TRIO: variants seen among roughly 807,000 people sequenced by gnomAD.
TRIO encodes trio Rho guanine nucleotide exchange factor.
In TRIO, 58 loss-of-function variants were observed where a neutral mutation model predicts 351.9. The observed-to-expected ratio is 0.16, with a 90% CI of 0.13 to 0.21. The LOEUF (loss-of-function observed/expected upper bound fraction) is 0.21, where lower values mean the gene tolerates loss of function less well. Among genes scored for constraint, TRIO ranks in the 10% least tolerant of loss-of-function variants. The pLI, the probability that TRIO is intolerant of heterozygous loss-of-function variation, is 1.00. For synonymous variants in TRIO, 1,758 were observed against 1,595.7 expected (o/e 1.10, Z -2.42); for missense variants, 3,201 against 4,027.8 (o/e 0.79, Z 5.56).
At chr5:14,201,339 T>C (rs1282571106) in intron 1 of TRIO, among the ~76,000 whole-genome samples, 1 of 152,250 alleles carries the variant, frequency 6.6e-6, no homozygotes, top group Non-Finnish European at 1.5e-5. Context: ...GCTTCTTGTT[T>C]TACCTTATAT....
At chr5:14,354,632 G>C (rs1022784043) in intron 11 of TRIO, among the ~76,000 whole-genome samples, 1 of 152,232 alleles carries the variant, frequency 6.6e-6, no homozygotes, top group Non-Finnish European at 1.5e-5. Flanking sequence ...GTTTTCTGAG[G>C]ACCTTTTTCA....
intron 11 of TRIO, among the ~76,000 whole-genome samples, chr5:14,348,829 ATG>A (rs1491061447): frequency 3.7e-5 from 4 of 106,976 alleles, no homozygotes; most frequent in African/African-American, 4.0e-5. Context: ...CTGCGTGTTT[ATG>A]TGTGTGTACG....
intron 11 of TRIO, among the ~76,000 whole-genome samples, chr5:14,348,765 ATG>A (rs148924139): frequency 0.024 from 2,512 of 105,154 alleles, 85 homozygotes; most frequent in African/African-American, 0.069. Context: ...GCACATGAGC[ATG>A]TGTGTTTTTC....
intron 48 of TRIO, among the ~76,000 whole-genome samples, chr5:14,491,665 T>C (rs1438611833): frequency 6.6e-6 from 1 of 152,234 alleles, no homozygotes; most frequent in African/African-American, 2.4e-5. Flanking sequence ...TCTGTCTTGC[T>C]GTTGCAATCC....
chr5:14,381,066 G>T, intron 20 of TRIO, 64 bp from the exon 21 acceptor site: 1 of 1,546,318 alleles, frequency 6.5e-7, no homozygotes, highest in Non-Finnish European at 8.7e-7. Flanking sequence ...TGAGGTGCTC[G>T]GGGCTTTGGG....
intron 7 of TRIO, among the ~76,000 whole-genome samples, chr5:14,303,286 G>A (rs356020): frequency 1.6e-5 from 2 of 123,830 alleles, no homozygotes; most frequent in African/African-American, 6.1e-5. Context: ...ATGGAGGGTG[G>A]CAGTGGAGGA....
At chr5:14,348,871 T>C (rs1456780464) in intron 11 of TRIO, among the ~76,000 whole-genome samples, 1 of 151,510 alleles carries the variant, frequency 6.6e-6, no homozygotes, top group African/African-American at 2.4e-5. Context: ...TGTATATGTG[T>C]ATGCACATGA....
intron 13 of TRIO, among the ~76,000 whole-genome samples, chr5:14,360,937 A>C (rs1236740808): frequency 6.6e-6 from 1 of 152,228 alleles, no homozygotes; most frequent in African/African-American, 2.4e-5. Context: ...TTAGATCCAC[A>C]TGGAGCCATG....
intron 1 of TRIO, among the ~76,000 whole-genome samples, chr5:14,182,062 T>C (rs1354294523): frequency 1.3e-5 from 2 of 151,970 alleles, no homozygotes; most frequent in East Asian, 3.9e-4. Flanking sequence ...TTTCATGTTA[T>C]TACTTTTGGT....
chr5:14,215,646 A>G (rs570074690), intron 1 of TRIO, among the ~76,000 whole-genome samples: 1 of 152,354 alleles, frequency 6.6e-6, no homozygotes, highest in South Asian at 2.1e-4. Flanking sequence ...AGATCTAATG[A>G]TTCCACGAAA....
chr5:14,187,156 G>A (rs190217891), intron 1 of TRIO, among the ~76,000 whole-genome samples: 85 of 152,274 alleles, frequency 5.6e-4, no homozygotes, highest in African/African-American at 1.7e-3. Flanking sequence ...TCTCTCTTAC[G>A]TGTCTAATTA....
intron 27 of TRIO, among the ~76,000 whole-genome samples, chr5:14,392,488 A>T (rs1319240815): frequency 2.6e-5 from 4 of 152,170 alleles, no homozygotes; most frequent in African/African-American, 9.7e-5. Flanking sequence ...TGGGAGTGTA[A>T]ATTAGTTCAA....
intron 31 of TRIO, among the ~76,000 whole-genome samples, chr5:14,404,943 C>T (rs558802142): frequency 3.3e-5 from 5 of 152,094 alleles, no homozygotes; most frequent in East Asian, 1.9e-4. Context: ...ACCTCATCTA[C>T]GATGAGTTAT....
rs575982009 is a variant in TRIO at position 14,286,112 on chromosome 5, A to G, written c.348-759A>G. Among the ~76,000 whole-genome samples, 5 of 152,180 alleles carry G rather than the reference A, an allele frequency of 3.3e-5. No homozygotes were observed. In the South Asian group the frequency reaches 6.2e-4, roughly 19 times the overall value. On this transcript the variant is annotated intron_variant, in intron 3 of 56. Transcript: ENST00000344204. This position sits in a 1 kb window ranked among gnomAD's most constrained non-coding sequence, Gnocchi z 4.4. Reference sequence around the variant, plus strand: ...GCACTTTTTTTTTTTAAGTGCAATAATGTGGAGAGGAAGAACATAGTGACT... The same window carrying G: ...GCACTTTTTTTTTTTAAGTGCAATAGTGTGGAGAGGAAGAACATAGTGACT...
chr5:14,291,363 A>G (rs1736886442), intron 5 of TRIO, 135 bp downstream of exon 5: 1 of 946,564 alleles, frequency 1.1e-6, no homozygotes, highest in South Asian at 1.9e-5. Context: ...AGCGAGAGTC[A>G]TTTCAGAAAT....
chr5:14,154,439 T>G (rs896219305), intron 1 of TRIO, among the ~76,000 whole-genome samples: 3 of 152,188 alleles, frequency 2.0e-5, no homozygotes, highest in Admixed American at 1.3e-4. Context: ...TATAGCTGTT[T>G]CGTTGTAGCC....
chr5:14,401,771 A>G (rs946018796), intron 31 of TRIO, among the ~76,000 whole-genome samples: 30 of 152,156 alleles, frequency 2.0e-4, no homozygotes, highest in African/African-American at 7.0e-4. Flanking sequence ...TACAGATGGA[A>G]CTTTTGGAGC....
chr5:14,204,859 G>A (rs1210605666), intron 1 of TRIO, among the ~76,000 whole-genome samples: 5 of 152,104 alleles, frequency 3.3e-5, no homozygotes, highest in Non-Finnish European at 7.4e-5. Context: ...TGGGCTGTTC[G>A]GATGATTCAG....
chr5:14,298,250 C>G (rs1338513861), intron 7 of TRIO, among the ~76,000 whole-genome samples: 1 of 152,132 alleles, frequency 6.6e-6, no homozygotes, highest in African/African-American at 2.4e-5. Context: ...TCCATTTAAG[C>G]AAACTTGCTT....
Sources: gnomAD v4.1 joint callset for allele counts (sites outside exome capture counted in the v4.1 genomes callset) on GRCh38, gnomAD v4.1.1 for gene constraint, Gnocchi (gnomAD v3.1) non-coding constraint, MANE v1.5 for transcripts, NCBI Gene and HGNC (gene_info 2026-07-23, HGNC 2026-07-21) for gene names.